The following KIAA1549L variants were observed in gnomAD, a reference collection of about 807,000 sequenced individuals.
KIAA1549L encodes KIAA1549 like.
In KIAA1549L, 88 loss-of-function variants were observed where a neutral mutation model predicts 160.7. The observed-to-expected ratio is 0.55, with a 90% CI of 0.46 to 0.65. KIAA1549L has a LOEUF of 0.65. Among genes scored for constraint, KIAA1549L ranks in the 30% least tolerant of loss-of-function variants. The probability of loss-of-function intolerance (pLI) is 0.00; values close to 1 mark genes in which losing one functional copy is unlikely to be tolerated. For synonymous variants in KIAA1549L, 950 were observed against 976.7 expected, an observed-to-expected ratio of 0.97 and a Z score of 0.51; for missense variants, 2,258 against 2,437.5, an observed-to-expected ratio of 0.93 and a Z score of 1.55.
At chr11:33,574,588 G>A (rs533417318) in intron 9 of KIAA1549L, 114 bp from the exon 10 acceptor site, 13 of 944,620 alleles carry the variant, frequency 1.4e-5, no homozygotes, top group East Asian at 1.3e-4. Context: ...GAAGGTTGGC[G>A]TCTAGCCACA....
intron 16 of KIAA1549L, among the ~76,000 whole-genome samples, chr11:33,619,187 C>T (rs1304150483): frequency 2.0e-5 from 3 of 152,148 alleles, no homozygotes; most frequent in Admixed American, 6.5e-5. Flanking sequence ...ATTTTAATCC[C>T]GTCAGATTTC....
At chr11:33,608,990 CAG>C (rs142096972) in intron 14 of KIAA1549L, among the ~76,000 whole-genome samples, 116 of 152,330 alleles carry the variant, frequency 7.6e-4, no homozygotes, top group African/African-American at 2.3e-3. Context: ...ATAATAAAAA[CAG>C]AAAGTTCGGA....
chr11:33,656,952 C>A (rs1852086267), intron 18 of KIAA1549L, among the ~76,000 whole-genome samples: 1 of 152,186 alleles, frequency 6.6e-6, no homozygotes, highest in Non-Finnish European at 1.5e-5. Flanking sequence ...GGCCTTGCCC[C>A]TCCAGCCCCT....
chr11:33,481,283 G>T (rs764539010), intron 1 of KIAA1549L, among the ~76,000 whole-genome samples: 84 of 152,156 alleles, frequency 5.5e-4, no homozygotes, highest in South Asian at 1.0e-3. Context: ...ATTTCTCAAG[G>T]CATTGCTCTT....
chr11:33,618,906 G>A (rs1046461932), intron 16 of KIAA1549L, among the ~76,000 whole-genome samples: 3 of 152,094 alleles, frequency 2.0e-5, no homozygotes, highest in African/African-American at 7.2e-5. Flanking sequence ...AGCACATTAC[G>A]GACTTTAAAC....
At chr11:33,423,935 A>T (rs1231403056) in intron 1 of KIAA1549L, among the ~76,000 whole-genome samples, 2 of 152,164 alleles carry the variant, frequency 1.3e-5, no homozygotes, top group Admixed American at 1.3e-4. Flanking sequence ...AGGCTGAGGC[A>T]GGAGGATTGC....
chr11:33,470,953 G>A (rs1852166234), intron 1 of KIAA1549L, among the ~76,000 whole-genome samples: 1 of 152,144 alleles, frequency 6.6e-6, no homozygotes, highest in African/African-American at 2.4e-5. Flanking sequence ...CTGCTACAGT[G>A]TGATTTAGTG....
chr11:33,552,378 G>A, intron 6 of KIAA1549L, 137 bp downstream of exon 6: 5 of 964,410 alleles, frequency 5.2e-6, no homozygotes, highest in South Asian at 3.3e-5. Flanking sequence ...TGGTGAGGAT[G>A]TCTGGGGTAT....
At chr11:33,392,997 C>T (rs1238168160) in intron 1 of KIAA1549L, among the ~76,000 whole-genome samples, 1 of 152,192 alleles carries the variant, frequency 6.6e-6, no homozygotes, top group African/African-American at 2.4e-5. Flanking sequence ...TGTCTCTAGT[C>T]TTGTCCCCCT....
At chr11:33,649,505 T>TA (rs34818689) in intron 17 of KIAA1549L, among the ~76,000 whole-genome samples, 22 of 124,780 alleles carry the variant, frequency 1.8e-4, no homozygotes, top group South Asian at 5.6e-4. Context: ...GTCTCTATTG[T>TA]AAAAAAAAAA....
At chr11:33,481,300 C>A (rs774382066) in intron 1 of KIAA1549L, among the ~76,000 whole-genome samples, 1 of 152,072 alleles carries the variant, frequency 6.6e-6, no homozygotes, top group African/African-American at 2.4e-5. Context: ...TCTTTTTTAT[C>A]TCTTCAGTAG....
rs1852634537 is a variant in KIAA1549L at position 33,670,445 on chromosome 11, G to A, written c.*2291G>A. The A allele has an allele frequency of 6.6e-6, 1 of 152,206 alleles. No homozygotes were observed. Among genetic ancestry groups the A allele is most frequent in the South Asian group, 2.1e-4 (1 of 4,830 alleles). The allele number at this position is 152,206 out of a possible 1,614,324, so 9.4% of individuals were successfully genotyped here. A position where few individuals can be genotyped will look rare whatever the true frequency, so the allele number is the denominator to read the frequency against. On this transcript the variant is annotated 3_prime_UTR_variant, in exon 21 of 21. Transcript: ENST00000658780. ...TTTACAGAGCCCCAGGAAATACTGA[G>A]TGAGTCAACTGAGACGACTAAAAAG...
Position 33,614,554 on chromosome 11 carries a change from A to T in KIAA1549L, c.5280-3979A>T, listed in dbSNP as rs1564924728. 2.8e-4 allele frequency among the ~76,000 whole-genome samples: 3 copies of T among 10,634 alleles called. No homozygotes were observed. In the South Asian group the frequency reaches 7.7e-3, roughly 27 times the overall value. 7.0% of individuals were successfully genotyped at this position (10,634 alleles called of 152,430 possible). On this transcript the variant is annotated intron_variant, in intron 15 of 20. Transcript: ENST00000658780. ...AAGATATATATATATATATATATATATATATATATATATATATATATATAT... is the reference window on the plus strand; with the variant it reads ...AAGATATATATATATATATATATATTTATATATATATATATATATATATAT...
At chr11:33,434,613 G>C (rs1851319298) in intron 1 of KIAA1549L, among the ~76,000 whole-genome samples, 2 of 152,178 alleles carry the variant, frequency 1.3e-5, no homozygotes, top group African/African-American at 4.8e-5. Context: ...GCCTTCTCCT[G>C]TTCTGGGCCC....
intron 1 of KIAA1549L, among the ~76,000 whole-genome samples, chr11:33,479,007 T>C (rs1244790436): frequency 1.3e-5 from 2 of 152,188 alleles, no homozygotes; most frequent in Non-Finnish European, 2.9e-5. Context: ...GGTTACTCAG[T>C]TAGTAAATGG....
At chr11:33,465,137 C>T (rs542372906) in intron 1 of KIAA1549L, among the ~76,000 whole-genome samples, 1 of 142,462 alleles carries the variant, frequency 7.0e-6, no homozygotes, top group South Asian at 2.3e-4. Flanking sequence ...CTCACTGCAA[C>T]CTCCGCCTCC....
chr11:33,454,307 A>G (rs1590256689), intron 1 of KIAA1549L, among the ~76,000 whole-genome samples: 1 of 152,226 alleles, frequency 6.6e-6, no homozygotes, highest in East Asian at 1.9e-4. Flanking sequence ...ATCAGAGGCA[A>G]CAAATGAGAG....
rs371278294 is a variant in KIAA1549L, at chr11:33,405,670, C to T, written c.238+28781C>T. 9.2e-5 allele frequency among the ~76,000 whole-genome samples: 14 copies of T among 151,526 alleles called. 1 individual carries two copies. The highest frequency in any genetic ancestry group is 4.2e-4 in the South Asian group (2 of 4,798). ...CATCCTGGCCAACATGGTGAAACCC[C>T]GTCTCTACTAAAAATACAAAAATTA... On this transcript the variant is annotated intron_variant, in intron 1 of 20. Transcript: ENST00000658780.
At chr11:33,434,480 C>T (rs150981134) in intron 1 of KIAA1549L, among the ~76,000 whole-genome samples, 7 of 152,222 alleles carry the variant, frequency 4.6e-5, no homozygotes, top group African/African-American at 1.7e-4. Context: ...AAACTGGTAC[C>T]AGGAGTGGGG....
Sources: gnomAD v4.1 joint callset for allele counts (sites outside exome capture counted in the v4.1 genomes callset) on GRCh38, gnomAD v4.1.1 for gene constraint, MANE v1.5 for transcripts, NCBI Gene and HGNC (gene_info 2026-07-23, HGNC 2026-07-21) for gene names.